TBC1D5: variants seen among roughly 807,000 people sequenced by gnomAD.
The protein encoded by TBC1D5 is TBC1 domain family, member 5.
A neutral mutation model predicts 100.3 loss-of-function variants in TBC1D5; 75 were observed. The ratio of observed to expected loss-of-function variants is 0.75; its 90% CI spans 0.62 to 0.91. The LOEUF (loss-of-function observed/expected upper bound fraction) is 0.91, where lower values mean the gene tolerates loss of function less well. TBC1D5 is among the 40% of genes least tolerant of loss of function. The pLI is 0.00. For missense variants in TBC1D5, 910 were observed against 942.4 expected, an observed-to-expected ratio of 0.97 and a Z score of 0.45; for synonymous variants, 323 against 325.6, an observed-to-expected ratio of 0.99 and a Z score of 0.09.
chr3:17,584,542 T>C (rs2096720523), intron 2 of TBC1D5, among the ~76,000 whole-genome samples: 1 of 152,226 alleles, frequency 6.6e-6, no homozygotes, highest in South Asian at 2.1e-4. Context: ...TTAAGCTTCA[T>C]TTCAGGGTTT....
At chr3:17,495,451 C>T (rs1051935927) in intron 3 of TBC1D5, among the ~76,000 whole-genome samples, 1 of 152,238 alleles carries the variant, frequency 6.6e-6, no homozygotes, top group Non-Finnish European at 1.5e-5. Flanking sequence ...CTCCTTTTCA[C>T]ATTAAGTTGC....
intron 1 of TBC1D5, among the ~76,000 whole-genome samples, chr3:17,664,624 T>A (rs2067032333): frequency 6.6e-6 from 1 of 152,104 alleles, no homozygotes; most frequent in African/African-American, 2.4e-5. Flanking sequence ...GAGGACAATT[T>A]GCATTTCAGC....
At chr3:17,195,429 G>A (rs558757240) in intron 18 of TBC1D5, among the ~76,000 whole-genome samples, 2 of 152,348 alleles carry the variant, frequency 1.3e-5, no homozygotes, top group Non-Finnish European at 2.9e-5. Flanking sequence ...TAGCAATGCT[G>A]GCTGGGCAAA....
chr3:17,716,126 G>T (rs2075219581), intron 1 of TBC1D5, among the ~76,000 whole-genome samples: 2 of 152,150 alleles, frequency 1.3e-5, no homozygotes, highest in Admixed American at 1.3e-4. Context: ...GTCCTTAGAT[G>T]AAATGAACAA....
intron 2 of TBC1D5, among the ~76,000 whole-genome samples, chr3:17,590,175 C>A (rs557525233): frequency 2.0e-5 from 3 of 152,150 alleles, no homozygotes; most frequent in East Asian, 1.9e-4. Context: ...TCAAAAAGAA[C>A]TGTTTGAGTT....
rs150105775 is a variant in TBC1D5 at position 17,669,897 on chromosome 3, T to A, written c.-100-45984A>T. ...TGTCCCATGTTTTTTGTTTGTTTGTTTGTTTGAGATGGAGTTTCCCTCTTG... is the reference window on the plus strand; with the variant it reads ...TGTCCCATGTTTTTTGTTTGTTTGTATGTTTGAGATGGAGTTTCCCTCTTG... On this transcript the variant is annotated intron_variant, in intron 1 of 21. Coordinates refer to ENST00000253692, the Ensembl canonical transcript of TBC1D5. Among the ~76,000 whole-genome samples the A allele has an allele frequency of 3.9e-5, 6 of 152,332 alleles. No individual in the cohort carries two copies. The East Asian group carries it at 7.7e-4, about 20-fold the overall frequency.
chr3:17,314,242 A>C (rs962862395), intron 13 of TBC1D5, among the ~76,000 whole-genome samples: 7 of 152,134 alleles, frequency 4.6e-5, no homozygotes, highest in Non-Finnish European at 8.8e-5. Flanking sequence ...TAGGGGGTTA[A>C]AAATGTTTAT....
intron 16 of TBC1D5, among the ~76,000 whole-genome samples, chr3:17,239,143 T>C (rs2076108497): frequency 6.6e-6 from 1 of 152,156 alleles, no homozygotes; most frequent in Non-Finnish European, 1.5e-5. Flanking sequence ...AGGGCAAGGA[T>C]TTTTGTCTCT....
chr3:17,408,849 G>A (rs1230271820), intron 4 of TBC1D5, among the ~76,000 whole-genome samples: 1 of 152,000 alleles, frequency 6.6e-6, no homozygotes, highest in Non-Finnish European at 1.5e-5. Flanking sequence ...TCTTGCTTAA[G>A]TAATTCTTAG....
intron 15 of TBC1D5, among the ~76,000 whole-genome samples, chr3:17,281,806 ATAATATATTTACTGAG>A (rs1208113391): frequency 1.3e-5 from 2 of 152,206 alleles, no homozygotes; most frequent in African/African-American, 2.4e-5. Flanking sequence ...TAAATTAGCA[ATAATATATTTACTGAG>A]TTAATATACT....
intron 2 of TBC1D5, among the ~76,000 whole-genome samples, chr3:17,604,770 G>T (rs1027378112): frequency 2.6e-5 from 4 of 152,146 alleles, no homozygotes; most frequent in Non-Finnish European, 5.9e-5. Flanking sequence ...CACTTCCAGG[G>T]TTCAAGCAAT....
intron 8 of TBC1D5, among the ~76,000 whole-genome samples, chr3:17,395,669 T>C (rs1298307332): frequency 2.6e-5 from 4 of 152,246 alleles, no homozygotes; most frequent in Non-Finnish European, 5.9e-5. Context: ...AAAAACTCTA[T>C]TGGTCAGCAT....
intron 3 of TBC1D5, among the ~76,000 whole-genome samples, chr3:17,442,441 A>G (rs1230411267): frequency 6.6e-6 from 1 of 152,196 alleles, no homozygotes; most frequent in Non-Finnish European, 1.5e-5. Flanking sequence ...TTCTCTCATC[A>G]CTTTGCCAAA....
At chr3:17,678,666 T>TA (rs150614567) in intron 1 of TBC1D5, among the ~76,000 whole-genome samples, 3,877 of 108,898 alleles carry the variant, frequency 0.036, 80 homozygotes, top group African/African-American at 0.043. Flanking sequence ...AAAAGAGGGA[T>TA]AAAAAAAAAA....
At chr3:17,705,935 T>C in intron 1 of TBC1D5, 3 of 1,164,262 alleles carry the variant, frequency 2.6e-6, no homozygotes, top group South Asian at 1.6e-5. Context: ...GCCCGTCCGC[T>C]CCTCCAGCCG....
chr3:17,448,645 A>G (rs993155365), intron 3 of TBC1D5, among the ~76,000 whole-genome samples: 9 of 152,236 alleles, frequency 5.9e-5, no homozygotes, highest in African/African-American at 2.2e-4. Flanking sequence ...AAGAGAAGTC[A>G]TTTTTGAAAG....
intron 1 of TBC1D5, among the ~76,000 whole-genome samples, chr3:17,645,290 G>A (rs556062879): frequency 6.6e-6 from 1 of 152,090 alleles, no homozygotes. Context: ...GGGAGATACA[G>A]AGGAGAGTAG....
chr3:17,337,462 T>C (rs1027853653), intron 13 of TBC1D5: 1 of 152,284 alleles, frequency 6.6e-6, no homozygotes, highest in East Asian at 1.9e-4. Flanking sequence ...TCCAAAATCA[T>C]TGTCAATCAC....
At chr3:17,359,654 T>C (rs1363573687) in intron 13 of TBC1D5, among the ~76,000 whole-genome samples, 1 of 152,006 alleles carries the variant, frequency 6.6e-6, no homozygotes, top group Non-Finnish European at 1.5e-5. Context: ...GGTAGAAACT[T>C]AAGTCTGGTC....
Sources: allele counts gnomAD v4.1 joint callset (sites outside exome capture counted in the v4.1 genomes callset), GRCh38; gene constraint gnomAD v4.1.1; transcripts MANE v1.5; gene names NCBI Gene and HGNC (gene_info 2026-07-23, HGNC 2026-07-21).